The following SHISA9 variants were observed in gnomAD, a reference collection of about 807,000 sequenced individuals.
SHISA9 encodes the protein shisa family member 9.
In SHISA9, 13 loss-of-function variants were observed where a neutral mutation model predicts 38.0. The ratio of observed to expected loss-of-function variants is 0.34; its 90% CI spans 0.22 to 0.54. The LOEUF (loss-of-function observed/expected upper bound fraction) is 0.54. SHISA9 is among the 20% of genes least tolerant of loss of function. The pLI, the probability that SHISA9 is intolerant of heterozygous loss-of-function variation, is 0.91. For synonymous variants in SHISA9, 275 were observed against 242.0 expected (o/e 1.14, Z -1.27); for missense variants, 538 against 575.8 (o/e 0.93, Z 0.67).
At chr16:13,380,052 A>C in the SHISA9 span, among the ~76,000 whole-genome samples, 1 of 152,148 alleles carries the variant, frequency 6.6e-6, no homozygotes, top group Non-Finnish European at 1.5e-5. Flanking sequence ...AATTAAGAAC[A>C]TCTCAGAGGA....
chr16:13,071,591 T>TCCTC (rs1567202342), intron 2 of SHISA9, among the ~76,000 whole-genome samples: 4 of 135,350 alleles, frequency 3.0e-5, no homozygotes, highest in Admixed American at 8.7e-5. Flanking sequence ...CTTCCTTCCT[T>TCCTC]CCTTCCTTCC....
intron 2 of SHISA9, among the ~76,000 whole-genome samples, chr16:13,150,508 A>G (rs2050489947): frequency 1.3e-5 from 2 of 152,286 alleles, no homozygotes; most frequent in South Asian, 2.1e-4. Flanking sequence ...AGGGCTCACA[A>G]CAAACTCCAA....
intron 2 of SHISA9, among the ~76,000 whole-genome samples, chr16:13,012,576 A>G (rs910785007): frequency 6.6e-6 from 1 of 152,158 alleles, no homozygotes; most frequent in African/African-American, 2.4e-5. Context: ...AACTTCTGGT[A>G]CCCTGGTACT....
At chr16:13,203,642 A>G in intron 3 of SHISA9, 93 bp downstream of exon 3, 1 of 1,294,426 alleles carries the variant, frequency 7.7e-7, no homozygotes, top group Admixed American at 3.5e-5. Context: ...TTTCTTTCCT[A>G]ATTCCTTTTT....
chr16:12,968,731 C>T (rs1332493076), intron 2 of SHISA9, among the ~76,000 whole-genome samples: 2 of 152,084 alleles, frequency 1.3e-5, no homozygotes, highest in African/African-American at 4.8e-5. Context: ...GGAAAGAGCT[C>T]AGTAGTAAAT....
At chr16:13,037,109 G>GACAGAC (rs2073081444) in intron 2 of SHISA9, among the ~76,000 whole-genome samples, 16 of 105,286 alleles carry the variant, frequency 1.5e-4, no homozygotes, top group African/African-American at 5.6e-4. Flanking sequence ...CACACACACA[G>GACAGAC]ACACACACAC....
At chr16:13,509,643 A>G in the SHISA9 span, among the ~76,000 whole-genome samples, 10 of 152,344 alleles carry the variant, frequency 6.6e-5, no homozygotes, top group African/African-American at 2.4e-4. Flanking sequence ...AGGAAAAACT[A>G]TATTTTTAAA....
At chr16:13,374,038 A>G in the SHISA9 span, among the ~76,000 whole-genome samples, 1 of 152,246 alleles carries the variant, frequency 6.6e-6, no homozygotes, top group East Asian at 1.9e-4. Context: ...ATGAATCATG[A>G]TGCAGTTTCA....
rs185883391 is a variant in SHISA9, at chr16:13,164,423, G to A, written c.692-38971G>A. On this transcript the variant is annotated intron_variant, in intron 2 of 4. Coordinates refer to ENST00000558583, the MANE Select transcript of SHISA9 (RefSeq NM_001145204.3). ...GAAATTTTTAACCTATGTTTTTGAT[G>A]GACATTGGTCTGTAGTTTTCTTTTC... 1.3e-3 allele frequency among the ~76,000 whole-genome samples: 192 copies of A among 152,044 alleles called. 3 individuals are homozygous for A. The highest frequency in any genetic ancestry group is 4.2e-3 in the African/African-American group (173 of 41,508).
chr16:13,512,643 A>G, the SHISA9 span, among the ~76,000 whole-genome samples: 1,431 of 152,314 alleles, frequency 9.4e-3, 22 homozygotes, highest in African/African-American at 0.033. Context: ...ACAGGATGGT[A>G]CTGGTACCAA....
At chr16:12,911,831 T>A (rs890881211) in intron 1 of SHISA9, among the ~76,000 whole-genome samples, 3 of 152,234 alleles carry the variant, frequency 2.0e-5, no homozygotes, top group Non-Finnish European at 2.9e-5. Flanking sequence ...GGGGCATTTT[T>A]AAACCACATG....
chr16:13,090,655 A>T (rs1467006968), intron 2 of SHISA9, among the ~76,000 whole-genome samples: 1 of 152,142 alleles, frequency 6.6e-6, no homozygotes, highest in Non-Finnish European at 1.5e-5. Context: ...CATTTGCTTG[A>T]TAGATCTTCT....
chr16:13,172,260 T>TA (rs2050692902), intron 2 of SHISA9, among the ~76,000 whole-genome samples: 1 of 152,202 alleles, frequency 6.6e-6, no homozygotes, highest in Admixed American at 6.5e-5. Context: ...ACTTTATGCT[T>TA]GGTTTTGCAG....
the SHISA9 span, among the ~76,000 whole-genome samples, chr16:13,548,889 G>C: frequency 1.4e-3 from 219 of 152,076 alleles, 1 homozygote; most frequent in African/African-American, 5.1e-3. Context: ...TAAAATGAAG[G>C]TATGAAAGAT....
chr16:13,343,920 T>C, the SHISA9 span, among the ~76,000 whole-genome samples: 1 of 152,068 alleles, frequency 6.6e-6, no homozygotes, highest in Admixed American at 6.5e-5. Flanking sequence ...ACACGGTGGA[T>C]TAACAAGGAG....
the SHISA9 span, among the ~76,000 whole-genome samples, chr16:13,280,918 G>A: frequency 3.3e-5 from 5 of 151,880 alleles, no homozygotes; most frequent in Non-Finnish European, 7.4e-5. Flanking sequence ...AACAAGCAGT[G>A]AAAAGGAAAC....
the SHISA9 span, among the ~76,000 whole-genome samples, chr16:13,303,844 A>T: frequency 6.6e-6 from 1 of 152,148 alleles, no homozygotes; most frequent in African/African-American, 2.4e-5. Flanking sequence ...AACCCCAAAC[A>T]CACCCTGTGG....
intron 2 of SHISA9, among the ~76,000 whole-genome samples, chr16:13,057,810 T>C (rs1167076075): frequency 6.6e-6 from 1 of 152,136 alleles, no homozygotes; most frequent in Non-Finnish European, 1.5e-5. Flanking sequence ...CTCTCCTCCC[T>C]ACCACCACAG....
At chr16:13,022,461 A>C (rs1277063292) in intron 2 of SHISA9, among the ~76,000 whole-genome samples, 2 of 151,910 alleles carry the variant, frequency 1.3e-5, no homozygotes, top group East Asian at 3.9e-4. Flanking sequence ...CCTCCCAAGT[A>C]GCTGGGGTTA....
Sources: allele counts gnomAD v4.1 joint callset (sites outside exome capture counted in the v4.1 genomes callset), GRCh38; gene constraint gnomAD v4.1.1; transcripts MANE v1.5; gene names NCBI Gene and HGNC (gene_info 2026-07-23, HGNC 2026-07-21).